Variants in CDC42BPA observed in about 807,000 individuals in gnomAD.
CDC42BPA encodes CDC42 binding protein kinase alpha, also known as serine/threonine-protein kinase MRCK alpha.
A neutral mutation model predicts 223.5 loss-of-function variants in CDC42BPA; 80 were observed. That is an observed-to-expected ratio of 0.36 (90% CI 0.30 to 0.43). The LOEUF (loss-of-function observed/expected upper bound fraction) is 0.43, where lower values mean the gene tolerates loss of function less well. Ranked by LOEUF, CDC42BPA falls within the 20% of genes least tolerant of loss-of-function variation. The pLI, the probability that CDC42BPA is intolerant of heterozygous loss-of-function variation, is 1.00. For missense variants in CDC42BPA, 1,743 were observed against 2,099.9 expected, an observed-to-expected ratio of 0.83 and a Z score of 3.32; for synonymous variants, 694 against 718.6, an observed-to-expected ratio of 0.97 and a Z score of 0.55.
At position 227,202,823 on chromosome 1, in the gene CDC42BPA, G is replaced by A. The variant is rs73094320; in HGVS notation, c.355-3171C>T. Among the ~76,000 whole-genome samples, 1,303 of 151,162 alleles carry A rather than the reference G, an allele frequency of 8.6e-3. 18 individuals are homozygous for A. Among genetic ancestry groups the A allele is most frequent in the African/African-American group, 0.03 (1,240 of 41,182 alleles). ...TGCACCTCTGTAGTCCTAGCTACTT[G>A]GAAGGCTGAGGCAGAAAGATCACAT... On this transcript the variant is annotated intron_variant, in intron 3 of 36. Coordinates refer to ENST00000366766, the MANE Select transcript of CDC42BPA (RefSeq NM_001394014.1).
intron 35 of CDC42BPA, among the ~76,000 whole-genome samples, chr1:227,002,820 C>T (rs1663145076): frequency 6.6e-6 from 1 of 152,192 alleles, no homozygotes; most frequent in Admixed American, 6.5e-5. Context: ...CTAGTCACAG[C>T]TGAGTCTTGA....
At chr1:227,265,554 G>A (rs543970861) in intron 1 of CDC42BPA, among the ~76,000 whole-genome samples, 2 of 151,684 alleles carry the variant, frequency 1.3e-5, no homozygotes, top group African/African-American at 2.4e-5. Flanking sequence ...GCTTGAATCC[G>A]GGAGGTGGAG....
intron 34 of CDC42BPA, among the ~76,000 whole-genome samples, chr1:227,013,866 A>G (rs1291159135): frequency 6.6e-6 from 1 of 152,136 alleles, no homozygotes; most frequent in Non-Finnish European, 1.5e-5. Flanking sequence ...TTCTAACTAC[A>G]TATTATGTAT....
At chr1:227,213,866 G>A (rs955536032) in intron 2 of CDC42BPA, among the ~76,000 whole-genome samples, 1 of 152,010 alleles carries the variant, frequency 6.6e-6, no homozygotes, top group Non-Finnish European at 1.5e-5. Context: ...ATCTATTTCT[G>A]TATTTTATAT....
chr1:227,059,253 C>A, intron 21 of CDC42BPA: 2 of 790,836 alleles, frequency 2.5e-6, no homozygotes, highest in Non-Finnish European at 4.2e-6. Flanking sequence ...CAGCACAAAG[C>A]ATGCAATAGA....
chr1:227,257,001 A>T (rs1483647833), intron 1 of CDC42BPA, among the ~76,000 whole-genome samples: 1 of 148,128 alleles, frequency 6.8e-6, no homozygotes, highest in African/African-American at 2.5e-5. Context: ...CAGTATGTTA[A>T]GCAGCTTTAA....
intron 8 of CDC42BPA, 90 bp downstream of exon 8, chr1:227,145,399 C>A: frequency 9.0e-7 from 1 of 1,116,578 alleles, no homozygotes; most frequent in Non-Finnish European, 1.3e-6. Context: ...TAAAATCATC[C>A]TAGCAAAATA....
intron 30 of CDC42BPA, among the ~76,000 whole-genome samples, chr1:227,028,073 C>T (rs1001614268): frequency 9.4e-5 from 14 of 149,434 alleles, no homozygotes; most frequent in African/African-American, 3.5e-4. Context: ...TGGGCTGTGA[C>T]GATACCACTG....
At chr1:227,010,876 AC>A in intron 34 of CDC42BPA, 1 of 1,356,142 alleles carries the variant, frequency 7.4e-7, no homozygotes, top group Non-Finnish European at 9.8e-7. Flanking sequence ...AGCTGTTCAT[AC>A]CCTCAGAGTC....
At chr1:227,031,912 T>C (rs1317360998) in intron 27 of CDC42BPA, among the ~76,000 whole-genome samples, 1 of 152,200 alleles carries the variant, frequency 6.6e-6, no homozygotes, top group African/African-American at 2.4e-5. Flanking sequence ...TAGGATGTAC[T>C]GTCATTATAT....
At chr1:227,004,922 C>T (rs932924254) in intron 35 of CDC42BPA, 72 bp downstream of exon 35, 1 of 992,820 alleles carries the variant, frequency 1.0e-6, no homozygotes, top group African/African-American at 1.6e-5. Flanking sequence ...ACATGTCACC[C>T]ACGGGACAGG....
At chr1:227,215,485 T>C (rs754613363) in intron 2 of CDC42BPA, among the ~76,000 whole-genome samples, 2 of 152,218 alleles carry the variant, frequency 1.3e-5, no homozygotes, top group African/African-American at 2.4e-5. Flanking sequence ...CTCGGGATTA[T>C]TGACCACTAA....
chr1:227,080,372 A>C (rs1345521545), intron 17 of CDC42BPA, among the ~76,000 whole-genome samples: 1 of 152,172 alleles, frequency 6.6e-6, no homozygotes, highest in East Asian at 1.9e-4. Flanking sequence ...GAATATTCCA[A>C]ACTAAATCCC....
intron 24 of CDC42BPA, among the ~76,000 whole-genome samples, chr1:227,038,308 T>G (rs764539713): frequency 1.1e-4 from 17 of 152,190 alleles, no homozygotes; most frequent in Non-Finnish European, 2.2e-4. Flanking sequence ...CATGTGGAAC[T>G]GAGTCAATTA....
At chr1:227,082,802 A>AT (rs1572694331) in intron 16 of CDC42BPA, among the ~76,000 whole-genome samples, 1 of 150,244 alleles carries the variant, frequency 6.7e-6, no homozygotes, top group East Asian at 1.9e-4. Flanking sequence ...TCTGGAAGGC[A>AT]TTTTTTGCTG....
At chr1:227,049,984 G>A (rs952938393) in intron 22 of CDC42BPA, among the ~76,000 whole-genome samples, 1 of 151,954 alleles carries the variant, frequency 6.6e-6, no homozygotes, top group Non-Finnish European at 1.5e-5. Context: ...AAAAGCAGAA[G>A]TCATAAAGAA....
chr1:227,224,162 A>G (rs7540618), intron 2 of CDC42BPA, among the ~76,000 whole-genome samples: 117,827 of 151,780 alleles, frequency 0.78, 46,010 homozygotes, highest in South Asian at 0.88. Context: ...ATAGGACTCC[A>G]ATTCCTGCAG....
chr1:227,183,138 T>C (rs1261026040), intron 5 of CDC42BPA: 1 of 152,198 alleles, frequency 6.6e-6, no homozygotes, highest in Middle Eastern at 3.2e-3. Context: ...CTTTTATATA[T>C]ACATATATCC....
chr1:227,251,536 G>A (rs1017076721), intron 2 of CDC42BPA, among the ~76,000 whole-genome samples: 1 of 152,014 alleles, frequency 6.6e-6, no homozygotes, highest in Non-Finnish European at 1.5e-5. Flanking sequence ...GAAAAGGACA[G>A]AATAAGATAT....
Sources: allele counts gnomAD v4.1 joint callset (sites outside exome capture counted in the v4.1 genomes callset), GRCh38; gene constraint gnomAD v4.1.1; transcripts MANE v1.5; gene names NCBI Gene and HGNC (gene_info 2026-07-23, HGNC 2026-07-21).